ABI1: variants seen among roughly 807,000 people sequenced by gnomAD.
ABI1 encodes Abelson interactor 1.
Under a neutral mutation model 54.6 loss-of-function variants are expected in ABI1, and 14 were observed. That is an observed-to-expected ratio of 0.26 (90% CI 0.17 to 0.40). ABI1 has a LOEUF of 0.40. ABI1 is among the 10% of genes least tolerant of loss of function. The pLI, the probability that ABI1 is intolerant of heterozygous loss-of-function variation, is 1.00. For synonymous variants in ABI1, 194 were observed against 209.3 expected (o/e 0.93, Z 0.63); for missense variants, 443 against 598.3 (o/e 0.74, Z 2.71).
intron 1 of ABI1, among the ~76,000 whole-genome samples, chr10:26,835,350 G>A (rs1021842181): frequency 9.9e-5 from 15 of 152,056 alleles, no homozygotes; most frequent in African/African-American, 3.6e-4. Context: ...CCAAGTGGGA[G>A]GATCACTTGA....
intron 1 of ABI1, among the ~76,000 whole-genome samples, chr10:26,828,189 A>C (rs1411633536): frequency 1.3e-5 from 2 of 152,186 alleles, no homozygotes; most frequent in Non-Finnish European, 2.9e-5. Flanking sequence ...AGAGAGGGAG[A>C]GACAGAAGGA....
chr10:26,848,161 T>C (rs2050119281), intron 1 of ABI1, among the ~76,000 whole-genome samples: 1 of 134,374 alleles, frequency 7.4e-6, no homozygotes, highest in Admixed American at 8.6e-5. Context: ...ATCGTGCCAC[T>C]GCACTCCAGA....
intron 2 of ABI1, among the ~76,000 whole-genome samples, chr10:26,799,714 C>A (rs993124109): frequency 2.0e-5 from 3 of 152,030 alleles, no homozygotes; most frequent in African/African-American, 7.2e-5. Flanking sequence ...CTTATTTATG[C>A]GTTAGAAGTT....
At chr10:26,849,235 A>G (rs2050213322) in intron 1 of ABI1, among the ~76,000 whole-genome samples, 1 of 152,182 alleles carries the variant, frequency 6.6e-6, no homozygotes, top group South Asian at 2.1e-4. Flanking sequence ...AAATTACAAT[A>G]GCCTCTTAGA....
chr10:26,759,819 T>C (rs1838878281), intron 7 of ABI1, among the ~76,000 whole-genome samples: 1 of 152,132 alleles, frequency 6.6e-6, no homozygotes, highest in East Asian at 1.9e-4. Context: ...TTAGTATCAA[T>C]ACATATTAAG....
At chr10:26,802,606 G>A (rs1051541953) in intron 2 of ABI1, among the ~76,000 whole-genome samples, 6 of 152,212 alleles carry the variant, frequency 3.9e-5, no homozygotes, top group Admixed American at 2.0e-4. Flanking sequence ...ACACAATGGA[G>A]TGATGAGGGG....
Position 26,860,896 on chromosome 10 carries a change from TAA to T in ABI1, c.-35_-34del, listed in dbSNP as rs966357785. ...CCCTCTGCATCGCTTCCTCTCGCGTTAAAGAGACAGAGGCAGCAAGGTCCGCC... is the reference window on the plus strand; with the variant it reads ...CCCTCTGCATCGCTTCCTCTCGCGTTAGAGACAGAGGCAGCAAGGTCCGCC... On this transcript the variant is annotated 5_prime_UTR_variant, in exon 1 of 11. Coordinates refer to ENST00000376140, the MANE Select transcript of ABI1 (RefSeq NM_001012750.3). This position sits in a 1 kb window ranked among gnomAD's most constrained non-coding sequence, Gnocchi z 4.1. The T allele has an allele frequency of 1.3e-5, 21 of 1,597,824 alleles. No homozygotes were observed. Among genetic ancestry groups the T allele is most frequent in the Non-Finnish European group, 1.8e-5 (21 of 1,166,002 alleles).
chr10:26,849,136 T>C (rs2050207186), intron 1 of ABI1, among the ~76,000 whole-genome samples: 3 of 152,048 alleles, frequency 2.0e-5, no homozygotes, highest in Admixed American at 2.0e-4. Flanking sequence ...GTCCACGAGG[T>C]CTAAATTATT....
intron 1 of ABI1, among the ~76,000 whole-genome samples, chr10:26,843,145 A>G (rs1336557298): frequency 1.3e-5 from 2 of 151,960 alleles, no homozygotes; most frequent in African/African-American, 4.8e-5. Context: ...GATTTATAGT[A>G]TCCATAGGTC....
chr10:26,844,955 T>A (rs757198926), intron 1 of ABI1, among the ~76,000 whole-genome samples: 5 of 152,044 alleles, frequency 3.3e-5, no homozygotes, highest in Non-Finnish European at 7.4e-5. Context: ...CTCCAATCCA[T>A]CCCGTACCAA....
At chr10:26,757,021 G>A (rs959376133) in intron 8 of ABI1, among the ~76,000 whole-genome samples, 1 of 151,942 alleles carries the variant, frequency 6.6e-6, no homozygotes, top group Non-Finnish European at 1.5e-5. Flanking sequence ...AAAGGTTAGA[G>A]GTTTTGACTT....
In ABI1 at chr10:26,751,608, A is replaced by G. The variant is rs770491097; in HGVS notation, c.1260T>C (p.Tyr420=). Residue 420 remains tyrosine (Y), a synonymous_variant, in exon 10 of 11, where the codon TAT becomes TAC. Transcript: ENST00000376140. ...DGDPAWAPKN[Y]IEKVVAIYDY... ...ATGACTGTACCTTACCTTTCTCAAT[A>G]TAATTCTTGGGGGCCCAAGCAGGAT... is the stretch of plus-strand genomic sequence containing the variant. The G allele has an allele frequency of 2.3e-5, 37 of 1,612,292 alleles. No homozygotes were observed. In the East Asian group the frequency reaches 6.5e-4, roughly 28 times the overall value.
intron 1 of ABI1, among the ~76,000 whole-genome samples, chr10:26,857,145 C>T (rs2050884118): frequency 6.6e-6 from 1 of 151,856 alleles, no homozygotes; most frequent in South Asian, 2.1e-4. Flanking sequence ...CATGATGAAA[C>T]CCTGCCTCTG....
chr10:26,822,952 T>G (rs963286685), intron 2 of ABI1, among the ~76,000 whole-genome samples, 186 bp downstream of exon 2: 2 of 152,204 alleles, frequency 1.3e-5, no homozygotes, highest in Non-Finnish European at 2.9e-5. Flanking sequence ...CAATTTTATG[T>G]TATGTTTACC....
At chr10:26,751,525 G>T in intron 10 of ABI1, 73 bp downstream of exon 10, 1 of 1,438,684 alleles carries the variant, frequency 7.0e-7, no homozygotes, top group Non-Finnish European at 9.4e-7. Flanking sequence ...CATTGGATTA[G>T]ATGTTCTTTA....
At chr10:26,786,633 A>T (rs1275325655) in intron 2 of ABI1, among the ~76,000 whole-genome samples, 1 of 152,184 alleles carries the variant, frequency 6.6e-6, no homozygotes, top group Non-Finnish European at 1.5e-5. Context: ...ACTCCATAGA[A>T]GGGAAAATAT....
chr10:26,785,550 C>T (rs1487589001), intron 2 of ABI1, among the ~76,000 whole-genome samples: 4 of 152,020 alleles, frequency 2.6e-5, no homozygotes, highest in Non-Finnish European at 5.9e-5. Context: ...GGTGAAATTC[C>T]GTCTTTACTA....
chr10:26,795,476 A>G (rs562260241), intron 2 of ABI1, among the ~76,000 whole-genome samples: 3 of 152,338 alleles, frequency 2.0e-5, no homozygotes, highest in South Asian at 2.1e-4. Flanking sequence ...TTTGCAAATG[A>G]CATGTTCCTA....
At chr10:26,765,425 T>A in intron 6 of ABI1, 107 bp from the exon 7 acceptor site, 1 of 766,818 alleles carries the variant, frequency 1.3e-6, no homozygotes, top group East Asian at 2.9e-5. Flanking sequence ...CATATAGTCA[T>A]CCCTCAGTAT....
Sources: allele counts gnomAD v4.1 joint callset (sites outside exome capture counted in the v4.1 genomes callset), GRCh38; gene constraint gnomAD v4.1.1; non-coding constraint Gnocchi (gnomAD v3.1); transcripts MANE v1.5; gene names NCBI Gene and HGNC (gene_info 2026-07-23, HGNC 2026-07-21).